The following PDE4D variants were observed in gnomAD, a reference collection of about 807,000 sequenced individuals.
PDE4D encodes phosphodiesterase 4D, also known as 3',5'-cyclic-AMP phosphodiesterase 4D.
PDE4D carries 24 observed loss-of-function variants against 87.4 expected under a neutral mutation model. The ratio of observed to expected loss-of-function variants is 0.27; its 90% CI spans 0.20 to 0.39. The LOEUF (loss-of-function observed/expected upper bound fraction) is 0.39. Ranked by LOEUF, PDE4D falls within the 10% of genes least tolerant of loss-of-function variation. The pLI is 1.00. For synonymous variants in PDE4D, 384 were observed against 383.2 expected (o/e 1.00, Z -0.02); for missense variants, 714 against 1,041.0 (o/e 0.69, Z 4.32).
At chr5:60,243,156 GA>G (rs1443217014) in intron 1 of PDE4D, among the ~76,000 whole-genome samples, 1 of 151,884 alleles carries the variant, frequency 6.6e-6, no homozygotes, top group Non-Finnish European at 1.5e-5. Context: ...TGAGACTGTA[GA>G]AATTCAAAGG....
intron 2 of PDE4D, among the ~76,000 whole-genome samples, chr5:60,136,964 C>T (rs1780105485): frequency 6.6e-6 from 1 of 152,086 alleles, no homozygotes; most frequent in South Asian, 2.1e-4. Context: ...CCTCCTCTCA[C>T]CCTCCTACCC....
intron 1 of PDE4D, among the ~76,000 whole-genome samples, chr5:59,435,330 G>A (rs1259772513): frequency 6.6e-6 from 1 of 152,062 alleles, no homozygotes; most frequent in African/African-American, 2.4e-5. Flanking sequence ...CCAATACTCA[G>A]CACAGAGATG....
intron 1 of PDE4D, among the ~76,000 whole-genome samples, chr5:59,648,368 A>G (rs975134746): frequency 6.6e-6 from 1 of 152,202 alleles, no homozygotes; most frequent in Non-Finnish European, 1.5e-5. Context: ...TTGAAAAACA[A>G]GGCCTTTTTC....
At chr5:59,968,356 G>C (rs1760305034) in intron 3 of PDE4D, among the ~76,000 whole-genome samples, 1 of 152,072 alleles carries the variant, frequency 6.6e-6, no homozygotes, top group Non-Finnish European at 1.5e-5. Context: ...TCACTTATAA[G>C]TGAGAGCTAA....
chr5:59,057,967 A>G (rs1159174027), intron 5 of PDE4D, among the ~76,000 whole-genome samples: 1 of 152,188 alleles, frequency 6.6e-6, no homozygotes, highest in Non-Finnish European at 1.5e-5. Context: ...ATGAGAACCA[A>G]ATCAGAAGTT....
rs534371174 is a variant in PDE4D, at chr5:60,014,308, C to A, written c.43-25591G>T. Among the ~76,000 whole-genome samples the A allele has an allele frequency of 7.9e-5, 12 of 152,236 alleles. No individual in the cohort carries two copies. The South Asian group carries it at 2.1e-3, about 26-fold the overall frequency. Reference sequence around the variant, plus strand: ...AATACCACATGGAGCAGAAGACATACTCAGGAAAATCCTACCCATCAGAAA... The same window carrying A: ...AATACCACATGGAGCAGAAGACATAATCAGGAAAATCCTACCCATCAGAAA... On this transcript the variant is annotated intron_variant, in intron 2 of 16. Transcript: ENST00000502484.
chr5:60,116,823 C>T (rs1338660116), intron 2 of PDE4D, among the ~76,000 whole-genome samples: 3 of 152,028 alleles, frequency 2.0e-5, no homozygotes, highest in African/African-American at 7.2e-5. Flanking sequence ...CACCAGTTTG[C>T]ATCTATCATG....
chr5:59,277,454 G>A (rs879931952), intron 1 of PDE4D, among the ~76,000 whole-genome samples: 2 of 152,118 alleles, frequency 1.3e-5, no homozygotes, highest in Admixed American at 6.6e-5. Context: ...AAACTTAAAA[G>A]TTTTGTGAGA....
At chr5:59,198,881 T>C (rs533846722) in intron 2 of PDE4D, among the ~76,000 whole-genome samples, 2 of 152,170 alleles carry the variant, frequency 1.3e-5, no homozygotes, top group Non-Finnish European at 2.9e-5. Context: ...GAGATCCATA[T>C]ATGGTTCAAG....
At chr5:59,191,403 CT>C (rs1284636387) in intron 3 of PDE4D, among the ~76,000 whole-genome samples, 1 of 151,530 alleles carries the variant, frequency 6.6e-6, no homozygotes, top group Non-Finnish European at 1.5e-5. Flanking sequence ...TATATTTTTT[CT>C]TATAATAATA....
intron 1 of PDE4D, among the ~76,000 whole-genome samples, chr5:59,531,167 A>G (rs1176383656): frequency 5.3e-5 from 8 of 152,196 alleles, no homozygotes; most frequent in Non-Finnish European, 1.0e-4. Context: ...TATATTCTGA[A>G]GTAGAAACTG....
intron 1 of PDE4D, among the ~76,000 whole-genome samples, chr5:59,312,916 G>C (rs1581903699): frequency 6.6e-6 from 1 of 152,126 alleles, no homozygotes; most frequent in East Asian, 1.9e-4. Flanking sequence ...CAGGCTACTG[G>C]AGAAGGAATT....
At chr5:59,622,456 C>T (rs1830453818) in intron 1 of PDE4D, among the ~76,000 whole-genome samples, 1 of 152,148 alleles carries the variant, frequency 6.6e-6, no homozygotes, top group Admixed American at 6.6e-5. Context: ...CTGTGTAGTT[C>T]ATCATCTCCA....
intron 6 of PDE4D, among the ~76,000 whole-genome samples, chr5:59,027,981 T>TC (rs1756564774): frequency 6.6e-6 from 1 of 152,068 alleles, no homozygotes; most frequent in African/African-American, 2.4e-5. Context: ...ACCTTCTTAA[T>TC]ATACTTTTCT....
intron 5 of PDE4D, among the ~76,000 whole-genome samples, chr5:59,076,913 C>A (rs1475741667): frequency 1.3e-5 from 2 of 152,102 alleles, no homozygotes; most frequent in Admixed American, 1.3e-4. Flanking sequence ...CAATTCAAAG[C>A]AGTAATGTGC....
chr5:60,420,001 AG>A (rs1465084215), intron 1 of PDE4D, among the ~76,000 whole-genome samples: 1 of 152,200 alleles, frequency 6.6e-6, no homozygotes, highest in African/African-American at 2.4e-5. Context: ...GATTTGTCCC[AG>A]ACATGGGACA....
intron 1 of PDE4D, among the ~76,000 whole-genome samples, chr5:59,483,516 T>A (rs1416773957): frequency 6.6e-6 from 1 of 152,186 alleles, no homozygotes; most frequent in Admixed American, 6.6e-5. Flanking sequence ...ACTCTTTTTT[T>A]CTTACAATTT....
chr5:60,229,576 G>T (rs1195826268), intron 1 of PDE4D, among the ~76,000 whole-genome samples: 3 of 152,050 alleles, frequency 2.0e-5, no homozygotes, highest in Non-Finnish European at 2.9e-5. Flanking sequence ...TTTGTAAATG[G>T]TCTCCTGAGT....
At chr5:59,442,030 TA>T (rs1382096686) in intron 1 of PDE4D, among the ~76,000 whole-genome samples, 5 of 152,190 alleles carry the variant, frequency 3.3e-5, no homozygotes, top group Non-Finnish European at 7.4e-5. Context: ...TTTACCAAAA[TA>T]AAAAATACAC....
Sources: allele counts gnomAD v4.1 joint callset (sites outside exome capture counted in the v4.1 genomes callset), GRCh38; gene constraint gnomAD v4.1.1; transcripts MANE v1.5; gene names NCBI Gene and HGNC (gene_info 2026-07-23, HGNC 2026-07-21).